The following HSF2BP variants were observed in gnomAD, a reference collection of about 807,000 sequenced individuals.
HSF2BP encodes the protein heat shock factor 2-binding protein.
HSF2BP carries 35 observed loss-of-function variants against 35.0 expected under a neutral mutation model. The observed-to-expected ratio is 1.00, with a 90% CI of 0.76 to 1.32. HSF2BP has a LOEUF of 1.32. Ranked by LOEUF, HSF2BP falls within the 40% of genes most tolerant of loss-of-function variation. HSF2BP has a pLI of 0.00. For synonymous variants in HSF2BP, 114 were observed against 117.4 expected (o/e 0.97, Z 0.18); for missense variants, 326 against 321.7 (o/e 1.01, Z -0.10).
At chr21:43,637,994 G>A (rs762555988) in intron 4 of HSF2BP, among the ~76,000 whole-genome samples, 21 of 152,168 alleles carry the variant, frequency 1.4e-4, no homozygotes, top group Non-Finnish European at 2.6e-4. Flanking sequence ...ATTCAGCACA[G>A]TGCTGTAGTG....
chr21:43,580,946 G>T (rs1195086270), intron 8 of HSF2BP, among the ~76,000 whole-genome samples: 1 of 152,116 alleles, frequency 6.6e-6, no homozygotes, highest in South Asian at 2.1e-4. Flanking sequence ...TCTGTGTTAC[G>T]TGATATAGCC....
intron 8 of HSF2BP, 112 bp downstream of exon 8, chr21:43,592,112 GC>G (rs1393917965): frequency 1.5e-6 from 1 of 668,820 alleles, no homozygotes; most frequent in African/African-American, 1.8e-5. Context: ...AGGATTTGGT[GC>G]TATCTCTGGT....
At chr21:43,652,400 C>CAAAAAAAAAAA (rs35714746) in intron 3 of HSF2BP, among the ~76,000 whole-genome samples, 1 of 89,360 alleles carries the variant, frequency 1.1e-5, no homozygotes, top group Non-Finnish European at 2.3e-5. Flanking sequence ...CAGACACCAT[C>CAAAAAAAAAAA]AAAAAAAAAA....
At chr21:43,585,230 G>C (rs1244289388) in intron 8 of HSF2BP, among the ~76,000 whole-genome samples, 1 of 152,150 alleles carries the variant, frequency 6.6e-6, no homozygotes, top group Admixed American at 6.5e-5. Context: ...AGGATCCCAT[G>C]AGCCCAGGAA....
intron 7 of HSF2BP, among the ~76,000 whole-genome samples, chr21:43,596,878 C>A (rs531015154): frequency 1.6e-5 from 2 of 127,766 alleles, no homozygotes; most frequent in African/African-American, 3.2e-5. Flanking sequence ...CAGAGCAGGA[C>A]CCTGTCTCAA....
At chr21:43,623,822 T>C (rs1489585248) in intron 6 of HSF2BP, among the ~76,000 whole-genome samples, 1 of 152,180 alleles carries the variant, frequency 6.6e-6, no homozygotes, top group Non-Finnish European at 1.5e-5. Flanking sequence ...ATAATGTTGA[T>C]CAGTGCTCAA....
At chr21:43,609,390 T>C (rs1293564309) in intron 7 of HSF2BP, among the ~76,000 whole-genome samples, 1 of 152,160 alleles carries the variant, frequency 6.6e-6, no homozygotes, top group Admixed American at 6.5e-5. Context: ...TCACGCAATA[T>C]ACTCTTGTAA....
intron 7 of HSF2BP, among the ~76,000 whole-genome samples, chr21:43,601,920 G>A (rs963138425): frequency 1.3e-5 from 2 of 152,104 alleles, no homozygotes; most frequent in African/African-American, 4.8e-5. Context: ...AGTTACTAAA[G>A]CTTTGACTGG....
At chr21:43,637,719 C>T (rs1028393246) in intron 4 of HSF2BP, among the ~76,000 whole-genome samples, 1 of 151,490 alleles carries the variant, frequency 6.6e-6, no homozygotes, top group South Asian at 2.1e-4. Flanking sequence ...GCAATTGGAT[C>T]CTTTGGGCCC....
chr21:43,657,900 AC>A (rs2082899144), intron 2 of HSF2BP, 160 bp downstream of exon 2: 2 of 984,954 alleles, frequency 2.0e-6, no homozygotes. Context: ...CCAGGTCTCC[AC>A]CCCGCTCCGG....
chr21:43,652,496 G>A (rs949398892), intron 3 of HSF2BP, among the ~76,000 whole-genome samples: 24 of 151,476 alleles, frequency 1.6e-4, no homozygotes, highest in African/African-American at 5.1e-4. Context: ...GAGAGTAGAA[G>A]AATCAGTATG....
rs201762646 is a variant in HSF2BP at position 43,639,863 on chromosome 21, G to GA, written c.291+4425dup. Among the ~76,000 whole-genome samples, 44 of 150,310 alleles carry GA rather than the reference G, an allele frequency of 2.9e-4. No homozygotes were observed. The East Asian group carries it at 5.1e-3, about 17-fold the overall frequency. ...GTTACTAGTGTCTTTATCAGTAATA[G>GA]AAAAAAAAACCGTAAGAACTATTCA... On this transcript the variant is annotated intron_variant, in intron 4 of 8. Transcript: ENST00000291560.
intron 3 of HSF2BP, among the ~76,000 whole-genome samples, chr21:43,655,267 G>C (rs1410166347): frequency 6.6e-6 from 1 of 152,208 alleles, no homozygotes; most frequent in East Asian, 1.9e-4. Context: ...GAAAGTTGCT[G>C]GATGAGCATG....
Position 43,644,310 on chromosome 21 carries a change from G to C in HSF2BP, c.270C>G (p.Ala90=). ...HFKARLETVQ[A]DNIREKKEKL... The stretch of plus-strand genomic sequence containing the variant: ...GTACCTTCTTCTCTCTTATGTTGTC[G>C]GCCTGCACGGTTTCCAGGCGGGCTT... The change falls in exon 4 of 9, where the codon GCC becomes GCG. Residue 90 remains alanine (A), a synonymous_variant. Coordinates refer to ENST00000291560, the MANE Select transcript of HSF2BP (RefSeq NM_007031.2). The C allele has an allele frequency of 1.2e-6, 2 of 1,613,602 alleles. No individual in the cohort carries two copies. The highest frequency in any genetic ancestry group is 8.5e-7 in the Non-Finnish European group (1 of 1,179,544).
chr21:43,636,269 A>AAAAGG (rs2082557339), intron 4 of HSF2BP, among the ~76,000 whole-genome samples: 1 of 146,162 alleles, frequency 6.8e-6, no homozygotes, highest in South Asian at 2.2e-4. Flanking sequence ...AAAAGAAAAG[A>AAAAGG]AAAAACGAAG....
chr21:43,656,029 C>A (rs1042613057), intron 3 of HSF2BP, among the ~76,000 whole-genome samples: 2 of 152,210 alleles, frequency 1.3e-5, no homozygotes, highest in African/African-American at 4.8e-5. Flanking sequence ...TGGCCTCAAT[C>A]AAGCAAGTGC....
At chr21:43,655,849 A>T (rs1428416329) in intron 3 of HSF2BP, among the ~76,000 whole-genome samples, 1 of 152,184 alleles carries the variant, frequency 6.6e-6, no homozygotes, top group Non-Finnish European at 1.5e-5. Flanking sequence ...ACGTTTGCAC[A>T]TGCCAGAAAC....
At chr21:43,467,953 C>A in the HSF2BP span, among the ~76,000 whole-genome samples, 30 of 92,588 alleles carry the variant, frequency 3.2e-4, no homozygotes, top group African/African-American at 1.1e-3. Flanking sequence ...ACCACACACA[C>A]CACACTTACA....
intron 7 of HSF2BP, among the ~76,000 whole-genome samples, chr21:43,612,468 G>A (rs1049256964): frequency 3.9e-5 from 6 of 152,052 alleles, no homozygotes; most frequent in African/African-American, 1.2e-4. Flanking sequence ...TGGCTAACAC[G>A]GTGAAACCCC....
Sources: allele counts gnomAD v4.1 joint callset (sites outside exome capture counted in the v4.1 genomes callset), GRCh38; gene constraint gnomAD v4.1.1; transcripts MANE v1.5; gene names NCBI Gene and HGNC (gene_info 2026-07-23, HGNC 2026-07-21).